KLHDC4: variants seen among roughly 807,000 people sequenced by gnomAD.
The protein encoded by KLHDC4 is kelch domain containing 4.
Under a neutral mutation model 62.4 loss-of-function variants are expected in KLHDC4, and 90 were observed. That is an observed-to-expected ratio of 1.44 (90% CI 1.22 to 1.72). The LOEUF is 1.72. Among genes scored for constraint, KLHDC4 ranks in the 40% most tolerant of loss-of-function variants. KLHDC4 has a pLI of 0.00. For synonymous variants in KLHDC4, 386 were observed against 284.4 expected (o/e 1.36, Z -3.59); for missense variants, 1,025 against 699.7 (o/e 1.47, Z -5.25).
At chr16:87,701,527 C>T in exon 1 of KLHDC4, 1 of 372,116 alleles carries the variant, frequency 2.7e-6, no homozygotes, top group Admixed American at 3.2e-5. Flanking sequence ...GTGACGGGCA[C>T]AGGCCACAGT....
At chr16:87,753,328 T>C (rs1374887714) in intron 4 of KLHDC4, among the ~76,000 whole-genome samples, 1 of 152,078 alleles carries the variant, frequency 6.6e-6, no homozygotes, top group African/African-American at 2.4e-5. Flanking sequence ...AACAGGCAAG[T>C]TCCAACCAGA....
intron 9 of KLHDC4, chr16:87,710,002 G>A (rs1013939096): frequency 1.7e-5 from 5 of 292,434 alleles, no homozygotes; most frequent in East Asian, 6.2e-5. Context: ...AGGCTCCGAC[G>A]CTCACCCTGG....
intron 7 of KLHDC4, among the ~76,000 whole-genome samples, chr16:87,717,907 G>T (rs2037328664): frequency 6.6e-6 from 1 of 152,154 alleles, no homozygotes; most frequent in Non-Finnish European, 1.5e-5. Context: ...AGCCTATGGG[G>T]GAATGTTTTA....
intron 5 of KLHDC4, among the ~76,000 whole-genome samples, chr16:87,740,197 C>G (rs1160573762): frequency 2.0e-5 from 3 of 152,172 alleles, no homozygotes; most frequent in African/African-American, 7.2e-5. Context: ...TAACCAAACT[C>G]TGAATCTTCA....
chr16:87,759,387 C>T (rs1164067268), intron 2 of KLHDC4, among the ~76,000 whole-genome samples: 3 of 150,750 alleles, frequency 2.0e-5, no homozygotes, highest in African/African-American at 7.3e-5. Context: ...CATAGCACTC[C>T]AGCCTGGGCA....
chr16:87,711,697 G>A (rs2035871435), intron 8 of KLHDC4, among the ~76,000 whole-genome samples: 1 of 151,724 alleles, frequency 6.6e-6, no homozygotes, highest in Non-Finnish European at 1.5e-5. Context: ...ACTAGGGGCA[G>A]CTACAAGCCG....
At chr16:87,750,802 G>T (rs886523672) in intron 4 of KLHDC4, 12 of 152,306 alleles carry the variant, frequency 7.9e-5, no homozygotes, top group Non-Finnish European at 1.5e-4. Context: ...CACACAGGGG[G>T]TGGCGTGTCC....
In KLHDC4 at chr16:87,714,552, T is replaced by C; in HGVS notation, c.781A>G (p.Lys261Glu). The C allele has an allele frequency of 1.2e-6, 2 of 1,614,188 alleles. No individual in the cohort carries two copies. Among genetic ancestry groups the C allele is most frequent in the African/African-American group, 1.3e-5 (1 of 75,054 alleles). The change falls in exon 8 of 12, where the codon AAG (lysine) becomes GAG (glutamate). Residue 261 changes from lysine to glutamate, a missense_variant. Lys to Glu is a moderately conservative substitution (Grantham distance 56, BLOSUM62 1). Transcript: ENST00000270583. ...AACATGTCTGAGTGCCGTGTGCCCT[T>C]GTCCACGTCTTTCTTAACTCTCTGC... Reference protein sequence around the residue: ...SKQRVKKDVDKGTRHSDMFLL... With the variant: ...SKQRVKKDVDEGTRHSDMFLL...
intron 1 of KLHDC4, chr16:87,765,272 C>A (rs1338671718): frequency 1.1e-5 from 5 of 456,006 alleles, no homozygotes; most frequent in Middle Eastern, 3.2e-4. Flanking sequence ...TACCCCGTGG[C>A]TCCAGTGCCT....
At chr16:87,745,645 G>C (rs574656006) in intron 5 of KLHDC4, among the ~76,000 whole-genome samples, 4 of 152,218 alleles carry the variant, frequency 2.6e-5, no homozygotes, top group Non-Finnish European at 5.9e-5. Context: ...GTCACCGCAA[G>C]AGAAGCGTTC....
intron 8 of KLHDC4, among the ~76,000 whole-genome samples, chr16:87,713,120 C>T (rs2036222034): frequency 6.6e-6 from 1 of 152,278 alleles, no homozygotes; most frequent in Admixed American, 6.5e-5. Flanking sequence ...CAGCCTCCAC[C>T]TCCTGGGCTA....
exon 1 of KLHDC4, chr16:87,698,579 GA>G (rs1344667784): frequency 1.6e-4 from 25 of 152,396 alleles, no homozygotes; most frequent in African/African-American, 6.0e-4. Context: ...ACACAACCTA[GA>G]AAACCAAGGC....
intron 1 of KLHDC4, chr16:87,765,252 T>C: frequency 4.4e-6 from 2 of 456,088 alleles, no homozygotes; most frequent in Non-Finnish European, 8.8e-6. Context: ...CGCCATCAGC[T>C]GCTACGGGAT....
chr16:87,715,686 G>A (rs1445141824), intron 7 of KLHDC4, among the ~76,000 whole-genome samples: 2 of 152,116 alleles, frequency 1.3e-5, no homozygotes. Flanking sequence ...CGATCCCCGG[G>A]GTGAAGTGCC....
intron 1 of KLHDC4, among the ~76,000 whole-genome samples, chr16:87,764,424 C>G (rs1488440318): frequency 1.3e-5 from 2 of 151,662 alleles, no homozygotes; most frequent in Non-Finnish European, 2.9e-5. Context: ...CCGAGGCGAG[C>G]GCATCACCTG....
Position 87,737,590 on chromosome 16 carries a change from C to CT in KLHDC4, c.507-6947dup, listed in dbSNP as rs10709997. 7.6e-3 allele frequency among the ~76,000 whole-genome samples: 987 copies of CT among 130,378 alleles called. 5 individuals are homozygous for CT. Among genetic ancestry groups the CT allele is most frequent in the African/African-American group, 0.021 (727 of 34,554 alleles). The allele number at this position is 130,378 out of a possible 152,430, so 85.5% of individuals were successfully genotyped here. A position where few individuals can be genotyped will look rare whatever the true frequency, so the allele number is the denominator to read the frequency against. On this transcript the variant is annotated intron_variant, in intron 5 of 11. Coordinates refer to ENST00000270583, the MANE Select transcript of KLHDC4 (RefSeq NM_017566.4). ...CTTCCCGGTTTCTCTACAAATCAGT[C>CT]TTTTTTTTTTTTTTTTTGAGACAGT...
Position 87,709,632 on chromosome 16 carries a change from G to T in KLHDC4, c.1080C>A (p.Gly360=), listed in dbSNP as rs754752313. ...TACCACCTTCGGGCTCCTCTTTTCT[G>T]CCCCGCCTGCGTTTCTTCTTTTCAG... is the stretch of plus-strand genomic sequence containing the variant. ...PKSEKKKRRR[G]RKEEPEGGSR... is the part of the protein sequence containing the mutation. The change falls in exon 10 of 12, where the codon GGC becomes GGA. Residue 360 remains glycine, a synonymous_variant. Coordinates refer to ENST00000270583, the MANE Select transcript of KLHDC4 (RefSeq NM_017566.4). 1.2e-6 allele frequency: 2 copies of T among 1,606,216 alleles called. No homozygotes were observed. Among genetic ancestry groups the T allele is most frequent in the Non-Finnish European group, 1.7e-6 (2 of 1,176,210 alleles).
At chr16:87,750,511 G>C (rs1428163078) in intron 4 of KLHDC4, 2 of 152,224 alleles carry the variant, frequency 1.3e-5, no homozygotes, top group Non-Finnish European at 2.9e-5. Flanking sequence ...TTTCATAAAA[G>C]CCTCTTGTTT....
At chr16:87,740,808 C>G (rs896721216) in intron 5 of KLHDC4, 2 of 152,282 alleles carry the variant, frequency 1.3e-5, no homozygotes, top group African/African-American at 4.8e-5. Context: ...TTGCATCTAA[C>G]TCCCTTCAAA....
Sources: allele counts gnomAD v4.1 joint callset (sites outside exome capture counted in the v4.1 genomes callset), GRCh38; gene constraint gnomAD v4.1.1; transcripts MANE v1.5; gene names NCBI Gene and HGNC (gene_info 2026-07-23, HGNC 2026-07-21).